Variants in ITFG1 observed in about 807,000 individuals in gnomAD.
ITFG1 encodes the protein T-cell immunomodulatory protein.
ITFG1 carries 34 observed loss-of-function variants against 81.8 expected under a neutral mutation model. The observed-to-expected ratio is 0.42, with a 90% CI of 0.32 to 0.55. ITFG1 has a LOEUF of 0.55. Among genes scored for constraint, ITFG1 ranks in the 20% least tolerant of loss-of-function variants. The pLI is 0.17. For missense variants in ITFG1, 672 were observed against 755.4 expected (o/e 0.89, Z 1.29); for synonymous variants, 285 against 270.6 (o/e 1.05, Z -0.52).
intron 8 of ITFG1, among the ~76,000 whole-genome samples, chr16:47,324,170 G>A (rs988260638): frequency 4.6e-5 from 7 of 151,920 alleles, no homozygotes; most frequent in African/African-American, 1.7e-4. Context: ...GAAGAGAGTG[G>A]GGGCCAATAT....
intron 10 of ITFG1, among the ~76,000 whole-genome samples, chr16:47,291,490 C>T (rs750313498): frequency 1.3e-5 from 2 of 152,162 alleles, no homozygotes; most frequent in Non-Finnish European, 2.9e-5. Context: ...CTCTCTCCAC[C>T]GACATGGAAA....
In ITFG1 at chr16:47,445,036, C is replaced by T. The variant is rs972358831; in HGVS notation, c.560+6360G>A. ...TACCACAACCCCACTCCAGTGCATC[C>T]GAATTCAGAATACATCAACATGGAC... is the stretch of plus-strand genomic sequence containing the variant. On this transcript the variant is annotated intron_variant, in intron 5 of 17. Transcript: ENST00000320640. Among the ~76,000 whole-genome samples, 9 of 150,806 alleles carry T rather than the reference C, an allele frequency of 6.0e-5. No individual in the cohort carries two copies. The South Asian group carries it at 1.0e-3, about 18-fold the overall frequency.
chr16:47,349,988 C>A (rs371795144), intron 8 of ITFG1, among the ~76,000 whole-genome samples: 1 of 152,150 alleles, frequency 6.6e-6, no homozygotes, highest in Non-Finnish European at 1.5e-5. Flanking sequence ...GAAATGAAGG[C>A]AGAAATAAAG....
chr16:47,461,048 C>A lies in ITFG1; in HGVS notation c.-3G>T. 1 of 1,531,246 alleles carries A rather than the reference C, an allele frequency of 6.5e-7. No homozygotes were observed. The allele number at this position is 1,531,246 out of a possible 1,614,324, so 94.9% of individuals were successfully genotyped here. On this transcript the variant is annotated 5_prime_UTR_variant, in exon 1 of 18. Transcript: ENST00000320640. ...GGGAGCCGGCCCGCCGCCGCCATGGCAGCCCCTCAGCCCCCGCCCGCCGGC... is the reference window on the plus strand; with the variant it reads ...GGGAGCCGGCCCGCCGCCGCCATGGAAGCCCCTCAGCCCCCGCCCGCCGGC...
At chr16:47,183,258 C>T (rs886680575) in intron 14 of ITFG1, among the ~76,000 whole-genome samples, 35 of 152,194 alleles carry the variant, frequency 2.3e-4, no homozygotes, top group African/African-American at 7.0e-4. Flanking sequence ...CCTGGAAGCT[C>T]GAACTGGGTG....
intron 6 of ITFG1, among the ~76,000 whole-genome samples, chr16:47,403,685 A>G (rs954868564): frequency 1.2e-4 from 18 of 151,946 alleles, no homozygotes; most frequent in Middle Eastern, 3.2e-3. Flanking sequence ...CAAGTATTTT[A>G]TAGGTGAAGT....
chr16:47,392,112 T>C (rs1172523738), intron 6 of ITFG1, among the ~76,000 whole-genome samples: 1 of 152,118 alleles, frequency 6.6e-6, no homozygotes, highest in Non-Finnish European at 1.5e-5. Flanking sequence ...CAAAGTGATA[T>C]TGAGTAAAGA....
At chr16:47,181,269 C>G (rs1289526971) in intron 14 of ITFG1, among the ~76,000 whole-genome samples, 1 of 148,680 alleles carries the variant, frequency 6.7e-6, no homozygotes, top group Non-Finnish European at 1.5e-5. Context: ...CCGGCAGCCA[C>G]CCCGTCTGGG....
chr16:47,166,369 T>C (rs1365781149), intron 14 of ITFG1, among the ~76,000 whole-genome samples: 1 of 152,260 alleles, frequency 6.6e-6, no homozygotes, highest in East Asian at 1.9e-4. Flanking sequence ...AATGAAGAGA[T>C]AATCATTATT....
intron 14 of ITFG1, among the ~76,000 whole-genome samples, chr16:47,208,234 A>G (rs1166896215): frequency 6.6e-6 from 1 of 152,214 alleles, no homozygotes; most frequent in Non-Finnish European, 1.5e-5. Context: ...GCCTCATACT[A>G]GCTGTGTGAC....
chr16:47,383,415 T>TTCATTCATCACTTTCATC (rs1217077427), intron 6 of ITFG1, among the ~76,000 whole-genome samples: 1 of 152,252 alleles, frequency 6.6e-6, no homozygotes, highest in Non-Finnish European at 1.5e-5. Flanking sequence ...TAAGGTTACT[T>TTCATTCATCACTTTCATC]AACTTTCATT....
chr16:47,381,757 C>A (rs1197488112), intron 6 of ITFG1, among the ~76,000 whole-genome samples: 1 of 152,168 alleles, frequency 6.6e-6, no homozygotes, highest in African/African-American at 2.4e-5. Flanking sequence ...ATACTGAAGG[C>A]CATATGACTT....
At chr16:47,403,104 A>AT (rs1968682781) in intron 6 of ITFG1, among the ~76,000 whole-genome samples, 1 of 152,182 alleles carries the variant, frequency 6.6e-6, no homozygotes. Flanking sequence ...TACTTGACAA[A>AT]TTTTTTTAAA....
chr16:47,452,917 A>G, intron 3 of ITFG1, 127 bp from the exon 4 acceptor site: 1 of 530,704 alleles, frequency 1.9e-6, no homozygotes, highest in Non-Finnish European at 3.3e-6. Flanking sequence ...AACTATTATC[A>G]TTAATGAGAT....
At chr16:47,455,881 CAGAT>C (rs1222269015) in intron 2 of ITFG1, among the ~76,000 whole-genome samples, 5 of 146,118 alleles carry the variant, frequency 3.4e-5, no homozygotes, top group Non-Finnish European at 7.6e-5. Context: ...AAATAAGAAA[CAGAT>C]AAGATAAAGG....
intron 14 of ITFG1, among the ~76,000 whole-genome samples, chr16:47,173,707 C>G (rs989094703): frequency 1.3e-5 from 2 of 152,180 alleles, no homozygotes; most frequent in Admixed American, 1.3e-4. Context: ...GTCTGATTTT[C>G]CAATATACTT....
intron 10 of ITFG1, among the ~76,000 whole-genome samples, chr16:47,268,412 A>T (rs1408648586): frequency 6.6e-6 from 1 of 152,196 alleles, no homozygotes; most frequent in Non-Finnish European, 1.5e-5. Context: ...GGCTTCACTG[A>T]TGAATTCTAC....
At chr16:47,411,428 G>A (rs1968809456) in intron 6 of ITFG1, among the ~76,000 whole-genome samples, 1 of 152,148 alleles carries the variant, frequency 6.6e-6, no homozygotes, top group South Asian at 2.1e-4. Context: ...GAGGGAGGGT[G>A]TGCTGGGTGG....
intron 13 of ITFG1, among the ~76,000 whole-genome samples, chr16:47,219,994 T>A (rs1965671852): frequency 6.6e-6 from 1 of 152,226 alleles, no homozygotes; most frequent in African/African-American, 2.4e-5. Flanking sequence ...ACACACTACT[T>A]TCATGAGAGA....
Sources: allele counts gnomAD v4.1 joint callset (sites outside exome capture counted in the v4.1 genomes callset), GRCh38; gene constraint gnomAD v4.1.1; transcripts MANE v1.5; gene names NCBI Gene and HGNC (gene_info 2026-07-23, HGNC 2026-07-21).